RRM2B: variants seen among roughly 807,000 people sequenced by gnomAD.
RRM2B encodes ribonucleoside-diphosphate reductase subunit M2 B.
Under a neutral mutation model 45.9 loss-of-function variants are expected in RRM2B, and 20 were observed. The observed-to-expected ratio is 0.44, with a 90% CI of 0.31 to 0.63. RRM2B has a LOEUF of 0.63. Among genes scored for constraint, RRM2B ranks in the 30% least tolerant of loss-of-function variants. The pLI is 0.09. For missense variants in RRM2B, 320 were observed against 414.7 expected (o/e 0.77, Z 1.98); for synonymous variants, 124 against 132.3 (o/e 0.94, Z 0.43).
intron 2 of RRM2B, among the ~76,000 whole-genome samples, chr8:102,231,868 CAA>C (rs1250881056): frequency 1.3e-4 from 8 of 61,708 alleles, no homozygotes; most frequent in Non-Finnish European, 1.5e-4. Flanking sequence ...GACTCTGTCT[CAA>C]AAAAAAAAAA....
At chr8:102,230,784 T>A (rs1195413311) in intron 2 of RRM2B, among the ~76,000 whole-genome samples, 1 of 152,216 alleles carries the variant, frequency 6.6e-6, no homozygotes, top group East Asian at 1.9e-4. Context: ...AAATAATAGT[T>A]TACATTTATT....
intron 6 of RRM2B, among the ~76,000 whole-genome samples, chr8:102,214,581 A>G (rs1810693164): frequency 6.6e-6 from 1 of 150,932 alleles, no homozygotes; most frequent in Non-Finnish European, 1.5e-5. Context: ...TTATAATTAA[A>G]TAAGAAAGGC....
chr8:102,214,022 G>T, intron 7 of RRM2B, 32 bp downstream of exon 7: 1 of 1,332,720 alleles, frequency 7.5e-7, no homozygotes, highest in Non-Finnish European at 1.1e-6. Context: ...GAGAAAGAGA[G>T]ATGTGCTAAT....
intron 6 of RRM2B, among the ~76,000 whole-genome samples, chr8:102,216,791 A>G (rs1216503991): frequency 6.6e-6 from 1 of 152,180 alleles, no homozygotes; most frequent in East Asian, 1.9e-4. Flanking sequence ...CAATGCAAAT[A>G]AAACCAATAA....
chr8:102,233,739 C>T (rs1342623199), intron 1 of RRM2B, among the ~76,000 whole-genome samples: 1 of 152,210 alleles, frequency 6.6e-6, no homozygotes, highest in Non-Finnish European at 1.5e-5. Context: ...AAGTAAAATC[C>T]ATTTTCACCC....
chr8:102,232,152 T>C lies in RRM2B; in HGVS notation c.201A>G (p.Glu67=). Reference sequence around the variant, plus strand: ...TCTTGGAGGCAATGCCACGTACCTCTTCTGCTGTCCAGAAGGAAGCCTGTG... The same window carrying C: ...TCTTGGAGGCAATGCCACGTACCTCCTCTGCTGTCCAGAAGGAAGCCTGTG... ...KQAQASFWTA[E]EVDLSKDLPH... is the part of the protein sequence containing the mutation. The change falls in exon 2 of 9, where the codon GAA becomes GAG. Residue 67 remains glutamate (E), a synonymous_variant. Transcript: ENST00000251810. The C allele has an allele frequency of 6.2e-7, 1 of 1,614,112 alleles. No individual in the cohort carries two copies. The highest frequency in any genetic ancestry group is 8.5e-7 in the Non-Finnish European group (1 of 1,179,952).
intron 6 of RRM2B, among the ~76,000 whole-genome samples, chr8:102,214,835 C>T (rs1342113541): frequency 6.8e-6 from 1 of 147,732 alleles, no homozygotes; most frequent in Non-Finnish European, 1.5e-5. Flanking sequence ...AAAATGGAAA[C>T]TGAACAATGA....
chr8:102,223,060 C>T (rs1035091368), intron 5 of RRM2B, among the ~76,000 whole-genome samples: 3 of 151,962 alleles, frequency 2.0e-5, no homozygotes, highest in East Asian at 1.9e-4. Context: ...TGCTTCCTCA[C>T]ATAAAGAATA....
rs997909756 is a variant in RRM2B at position 102,206,100 on chromosome 8, A to C, written c.*2033T>G. Reference sequence around the variant, plus strand: ...ATATATAAATATCTTTAAACATATTACCTGAATACAGTTCAAATGTCTCTC... The same window carrying C: ...ATATATAAATATCTTTAAACATATTCCCTGAATACAGTTCAAATGTCTCTC... On this transcript the variant is annotated 3_prime_UTR_variant, in exon 9 of 9. Coordinates refer to ENST00000251810, the MANE Select transcript of RRM2B (RefSeq NM_015713.5). 6.6e-6 allele frequency: 1 copy of C among 152,098 alleles called. No homozygotes were observed. The highest frequency in any genetic ancestry group is 6.6e-5 in the Admixed American group (1 of 15,260). 9.4% of individuals were successfully genotyped at this position (152,098 alleles called of 1,614,324 possible).
chr8:102,236,635 T>C (rs910655978), intron 1 of RRM2B, among the ~76,000 whole-genome samples: 1 of 152,148 alleles, frequency 6.6e-6, no homozygotes, highest in African/African-American at 2.4e-5. Flanking sequence ...TAATGAAGGA[T>C]TAACTTGGCA....
chr8:102,218,427 A>G lies in RRM2B; in HGVS notation c.684+387T>C, dbSNP rs965903359. On this transcript the variant is annotated intron_variant, in intron 6 of 8. Coordinates refer to ENST00000251810, the MANE Select transcript of RRM2B (RefSeq NM_015713.5). ...CCACAGCATTTTTCAGGAGAAAGAA[A>G]AATAAATAGGCTGGGTACAGTAATT... Among the ~76,000 whole-genome samples, 3 of 152,268 alleles carry G rather than the reference A, an allele frequency of 2.0e-5. No individual in the cohort carries two copies. The East Asian group carries it at 5.8e-4, about 29-fold the overall frequency.
chr8:102,224,186 C>CTT (rs372636442), intron 4 of RRM2B, 46 bp from the exon 5 acceptor site: 1,618 of 1,047,216 alleles, frequency 1.5e-3, no homozygotes, highest in Non-Finnish European at 1.9e-3. Context: ...ACTTGTTTTT[C>CTT]TTTTTTTTTT....
intron 8 of RRM2B, among the ~76,000 whole-genome samples, chr8:102,209,323 G>T (rs1175742389): frequency 6.6e-6 from 1 of 152,138 alleles, no homozygotes; most frequent in African/African-American, 2.4e-5. Context: ...TTTTAAATAT[G>T]GGCAGAGTGT....
chr8:102,210,019 G>C (rs1008359073), intron 8 of RRM2B, among the ~76,000 whole-genome samples: 2 of 152,182 alleles, frequency 1.3e-5, no homozygotes, highest in Admixed American at 6.5e-5. Context: ...GAGGAAAGAG[G>C]AGTGACTGAC....
rs182744780 is a variant in RRM2B, at chr8:102,228,489, C to T, written c.205-2455G>A. Among the ~76,000 whole-genome samples, 292 of 152,358 alleles carry T rather than the reference C, an allele frequency of 1.9e-3. 2 individuals are homozygous for T. The highest frequency in any genetic ancestry group is 6.7e-3 in the African/African-American group (280 of 41,592). On this transcript the variant is annotated intron_variant, in intron 2 of 8. Transcript: ENST00000251810. Reference sequence around the variant, plus strand: ...CTGTCACACTGACCCTCTGCCCTCACTGGTGGAGACCAACTGCCCCATGTG... The same window carrying T: ...CTGTCACACTGACCCTCTGCCCTCATTGGTGGAGACCAACTGCCCCATGTG...
In RRM2B at chr8:102,214,069, A is replaced by G. The variant is rs1465618470; in HGVS notation, c.774T>C (p.Ala258=). Residue 258 remains alanine, a synonymous_variant, in exon 7 of 9, where the codon GCT becomes GCC. Transcript: ENST00000251810. ...EERVREIIVD[A]VKIEQEFLTE... Reference sequence around the variant, plus strand: ...CCCGGTTTACCTGCTCAATTTTGACAGCATCAACAATGATCTCCCTGACCC... The same window carrying G: ...CCCGGTTTACCTGCTCAATTTTGACGGCATCAACAATGATCTCCCTGACCC... The G allele has an allele frequency of 1.2e-6, 2 of 1,611,882 alleles. No homozygotes were observed. Among genetic ancestry groups the G allele is most frequent in the South Asian group, 1.1e-5 (1 of 91,024 alleles).
rs182874090 is a variant in RRM2B, at chr8:102,206,537, A to G, written c.*1596T>C. The G allele has an allele frequency of 8.2e-4, 125 of 152,368 alleles. No homozygotes were observed. Among genetic ancestry groups the G allele is most frequent in the African/African-American group, 2.9e-3 (120 of 41,598 alleles). 9.4% of individuals were successfully genotyped at this position (152,368 alleles called of 1,614,324 possible). ...CAGTTTTGATTAGATTGTTATGGAA[A>G]GAATGGAGCCAAAATTTATGCAAAG... On this transcript the variant is annotated 3_prime_UTR_variant, in exon 9 of 9. Coordinates refer to ENST00000251810, the MANE Select transcript of RRM2B (RefSeq NM_015713.5).
At chr8:102,237,213 A>G (rs1176649016) in intron 1 of RRM2B, among the ~76,000 whole-genome samples, 1 of 152,246 alleles carries the variant, frequency 6.6e-6, no homozygotes, top group Non-Finnish European at 1.5e-5. Flanking sequence ...GATTAGCAAT[A>G]GTTAACTCTG....
intron 3 of RRM2B, among the ~76,000 whole-genome samples, chr8:102,225,237 T>A (rs1810910192): frequency 7.1e-6 from 1 of 141,372 alleles, no homozygotes; most frequent in Non-Finnish European, 1.5e-5. Flanking sequence ...TCTTTTTTTT[T>A]TTTTTTTTTT....
Sources: gnomAD v4.1 joint callset for allele counts (sites outside exome capture counted in the v4.1 genomes callset) on GRCh38, gnomAD v4.1.1 for gene constraint, MANE v1.5 for transcripts, NCBI Gene and HGNC (gene_info 2026-07-23, HGNC 2026-07-21) for gene names.